Variants in ELOVL6 observed in about 807,000 individuals in gnomAD.
ELOVL6 encodes very long chain fatty acid elongase 6.
Under a neutral mutation model 31.7 loss-of-function variants are expected in ELOVL6, and 8 were observed. That is an observed-to-expected ratio of 0.25 (90% CI 0.15 to 0.45). The LOEUF (loss-of-function observed/expected upper bound fraction) is 0.45, where lower values mean the gene tolerates loss of function less well. ELOVL6 is among the 20% of genes least tolerant of loss of function. The pLI is 1.00. For missense variants in ELOVL6, 126 were observed against 326.4 expected, an observed-to-expected ratio of 0.39 and a Z score of 4.73; for synonymous variants, 101 against 117.7, an observed-to-expected ratio of 0.86 and a Z score of 0.92.
chr4:110,054,028 G>C (rs1369887606), intron 3 of ELOVL6, among the ~76,000 whole-genome samples: 1 of 152,180 alleles, frequency 6.6e-6, no homozygotes, highest in African/African-American at 2.4e-5. Flanking sequence ...TGAACCTGGG[G>C]AGGCGGAGGT....
chr4:110,117,903 A>AAAATATATATAT, intron 1 of ELOVL6: 3 of 6,504 alleles, frequency 4.6e-4, no homozygotes, highest in African/African-American at 9.8e-4. Context: ...AAAAAAAAAA[A>AAAATATATATAT]ATATATATAT....
chr4:110,079,657 C>G (rs1281981040), intron 2 of ELOVL6, among the ~76,000 whole-genome samples: 2 of 151,932 alleles, frequency 1.3e-5, no homozygotes, highest in African/African-American at 4.8e-5. Flanking sequence ...TAATTGACAC[C>G]CTAACATCAC....
intron 1 of ELOVL6, among the ~76,000 whole-genome samples, chr4:110,158,657 A>ATATATATATATATTTTTTTTT: frequency 5.4e-5 from 4 of 74,158 alleles, no homozygotes; most frequent in African/African-American, 8.3e-5. Flanking sequence ...ATATATATAT[A>ATATATATATATATTTTTTTTT]TTTTTTTTTT....
At chr4:110,185,170 G>A (rs1413211253) in intron 1 of ELOVL6, among the ~76,000 whole-genome samples, 1 of 152,208 alleles carries the variant, frequency 6.6e-6, no homozygotes, top group Non-Finnish European at 1.5e-5. Flanking sequence ...AACCAAAGTA[G>A]TGCAATCACA....
In ELOVL6 at chr4:110,143,794, G is replaced by A. The variant is rs183509269; in HGVS notation, c.90-38166C>T. Among the ~76,000 whole-genome samples the A allele has an allele frequency of 4.6e-5, 7 of 152,250 alleles. No individual in the cohort carries two copies. In the East Asian group the frequency reaches 9.6e-4, roughly 21 times the overall value. ...GGGCAGGCCGGGCGCAGTGGCTCAC[G>A]CCTGTAATCCCAGCACTTTGGGAGG... On this transcript the variant is annotated intron_variant, in intron 1 of 3. Coordinates refer to ENST00000302274, the MANE Select transcript of ELOVL6 (RefSeq NM_024090.3).
intron 3 of ELOVL6, among the ~76,000 whole-genome samples, chr4:110,058,950 C>T (rs1755067135): frequency 6.6e-6 from 1 of 152,190 alleles, no homozygotes. Context: ...CCCACATTAA[C>T]TCCTTGACTT....
intron 1 of ELOVL6, among the ~76,000 whole-genome samples, chr4:110,177,629 T>C (rs1759148282): frequency 6.6e-6 from 1 of 152,054 alleles, no homozygotes; most frequent in Non-Finnish European, 1.5e-5. Flanking sequence ...GCAGCCACCT[T>C]GTGACCATGA....
At chr4:110,111,018 T>C (rs1465706144) in intron 1 of ELOVL6, among the ~76,000 whole-genome samples, 1 of 152,202 alleles carries the variant, frequency 6.6e-6, no homozygotes, top group East Asian at 1.9e-4. Context: ...AACTAGTTTT[T>C]AGTTTTTCTA....
At chr4:110,156,606 A>G (rs1417709099) in intron 1 of ELOVL6, among the ~76,000 whole-genome samples, 1 of 152,160 alleles carries the variant, frequency 6.6e-6, no homozygotes, top group Non-Finnish European at 1.5e-5. Context: ...GGATCACTTG[A>G]GCCCAGGAGA....
intron 1 of ELOVL6, among the ~76,000 whole-genome samples, chr4:110,160,790 A>G (rs1048851040): frequency 5.3e-5 from 8 of 152,252 alleles, no homozygotes; most frequent in African/African-American, 1.7e-4. Flanking sequence ...AGATAAGGAT[A>G]AGAGATATGA....
In ELOVL6 at chr4:110,063,534, C is replaced by T. The variant is rs1159127880; in HGVS notation, c.222-3780G>A. ...CAAGTGACAACTAGCAAGTTTACGA[C>T]AGGATGTGAAATGAGCACTTTCCAT... On this transcript the variant is annotated intron_variant, in intron 2 of 3. Coordinates refer to ENST00000302274, the MANE Select transcript of ELOVL6 (RefSeq NM_024090.3). 4.0e-5 allele frequency among the ~76,000 whole-genome samples: 6 copies of T among 151,442 alleles called. No individual in the cohort carries two copies. The South Asian group carries it at 1.2e-3, about 31-fold the overall frequency.
intron 1 of ELOVL6, among the ~76,000 whole-genome samples, chr4:110,169,540 G>C (rs1411371664): frequency 6.6e-6 from 1 of 151,992 alleles, no homozygotes; most frequent in Non-Finnish European, 1.5e-5. Context: ...ACCATGCCTG[G>C]CCAGCCCAAT....
At chr4:110,108,378 C>G (rs148871146) in intron 1 of ELOVL6, among the ~76,000 whole-genome samples, 3 of 152,116 alleles carry the variant, frequency 2.0e-5, no homozygotes, top group Admixed American at 6.6e-5. Flanking sequence ...CCTCAAGAAC[C>G]AAGAAAAGAA....
chr4:110,129,526 T>C (rs576559275), intron 1 of ELOVL6, among the ~76,000 whole-genome samples: 7 of 152,340 alleles, frequency 4.6e-5, no homozygotes, highest in African/African-American at 1.7e-4. Flanking sequence ...GAGATTAGTC[T>C]GCAGTGAAGC....
chr4:110,083,706 T>C (rs1040413830), intron 2 of ELOVL6, among the ~76,000 whole-genome samples: 9 of 151,266 alleles, frequency 5.9e-5, no homozygotes, highest in Non-Finnish European at 1.2e-4. Flanking sequence ...AAAATATTCA[T>C]ATTATTATAA....
At chr4:110,180,286 C>A (rs1255391360) in intron 1 of ELOVL6, among the ~76,000 whole-genome samples, 1 of 152,192 alleles carries the variant, frequency 6.6e-6, no homozygotes, top group African/African-American at 2.4e-5. Context: ...TCTCGTCTCA[C>A]TCTAACAGCA....
intron 1 of ELOVL6, among the ~76,000 whole-genome samples, chr4:110,142,977 C>T (rs1758006090): frequency 6.6e-6 from 1 of 152,162 alleles, no homozygotes; most frequent in South Asian, 2.1e-4. Flanking sequence ...TAAGGAATGG[C>T]CCTTTGCTTA....
intron 2 of ELOVL6, among the ~76,000 whole-genome samples, chr4:110,100,784 G>A (rs62325356): frequency 0.15 from 23,042 of 152,156 alleles, 1,952 homozygotes; most frequent in African/African-American, 0.22. Context: ...GGCAAAGGAC[G>A]GGGAGATGGA....
chr4:110,118,322 A>G (rs1460556313), intron 1 of ELOVL6, among the ~76,000 whole-genome samples: 1 of 151,974 alleles, frequency 6.6e-6, no homozygotes, highest in Non-Finnish European at 1.5e-5. Flanking sequence ...CCCTAACTCC[A>G]CACAGAATTC....
Sources: allele counts gnomAD v4.1 joint callset (sites outside exome capture counted in the v4.1 genomes callset), GRCh38; gene constraint gnomAD v4.1.1; transcripts MANE v1.5; gene names NCBI Gene and HGNC (gene_info 2026-07-23, HGNC 2026-07-21).